The following CNOT6L variants were observed in gnomAD, a reference collection of about 807,000 sequenced individuals.
The protein encoded by CNOT6L is CCR4-NOT transcription complex subunit 6-like.
CNOT6L carries 7 observed loss-of-function variants against 64.0 expected under a neutral mutation model. That is an observed-to-expected ratio of 0.11 (90% confidence interval 0.06 to 0.21). The LOEUF is 0.21. Ranked by LOEUF, CNOT6L falls within the 10% of genes least tolerant of loss-of-function variation. The probability of loss-of-function intolerance (pLI) is 1.00; values close to 1 mark genes in which losing one functional copy is unlikely to be tolerated. For synonymous variants in CNOT6L, 193 were observed against 243.4 expected, an observed-to-expected ratio of 0.79 and a Z score of 1.93; for missense variants, 245 against 669.0, an observed-to-expected ratio of 0.37 and a Z score of 6.99.
chr4:77,749,711 A>G (rs996520899), intron 5 of CNOT6L, among the ~76,000 whole-genome samples: 11 of 152,242 alleles, frequency 7.2e-5, no homozygotes, highest in African/African-American at 2.4e-4. Flanking sequence ...ATGAGATGGC[A>G]TATTTGTTAC....
intron 4 of CNOT6L, among the ~76,000 whole-genome samples, chr4:77,762,944 T>C (rs1726404584): frequency 6.6e-6 from 1 of 152,148 alleles, no homozygotes; most frequent in Non-Finnish European, 1.5e-5. Flanking sequence ...TATGTATAAA[T>C]AGCAGGTCAA....
chr4:77,716,952 A>G lies in CNOT6L; in HGVS notation c.*3479T>C, dbSNP rs1290035305. On this transcript the variant is annotated 3_prime_UTR_variant, in exon 12 of 12. Transcript: ENST00000504123. ...AACCCATTGTGCCATACCTGACTTCAACATGTGATATTCAAACGAATGTTC... is the reference window on the plus strand; with the variant it reads ...AACCCATTGTGCCATACCTGACTTCGACATGTGATATTCAAACGAATGTTC... 1 of 152,580 alleles carries G rather than the reference A, an allele frequency of 6.6e-6. No individual in the cohort carries two copies. Among genetic ancestry groups the G allele is most frequent in the Non-Finnish European group, 1.5e-5 (1 of 68,006 alleles). 9.5% of individuals were successfully genotyped at this position (152,580 alleles called of 1,614,324 possible).
chr4:77,782,607 A>G (rs1728985610), intron 1 of CNOT6L, among the ~76,000 whole-genome samples: 1 of 147,318 alleles, frequency 6.8e-6, no homozygotes, highest in Non-Finnish European at 1.5e-5. Context: ...TCCCAGTGCT[A>G]CTAGGATTAC....
At chr4:77,757,782 C>A (rs887812396) in intron 4 of CNOT6L, among the ~76,000 whole-genome samples, 2 of 152,170 alleles carry the variant, frequency 1.3e-5, no homozygotes, top group African/African-American at 4.8e-5. Flanking sequence ...TCACTGTAAC[C>A]TCCAGCTTCC....
At chr4:77,783,474 T>C (rs761669976) in intron 1 of CNOT6L, among the ~76,000 whole-genome samples, 1 of 152,344 alleles carries the variant, frequency 6.6e-6, no homozygotes, top group Non-Finnish European at 1.5e-5. Context: ...CTACTTCCTT[T>C]TTCTCCCTCA....
At chr4:77,774,174 CT>C (rs1463963930) in intron 3 of CNOT6L, among the ~76,000 whole-genome samples, 1 of 152,090 alleles carries the variant, frequency 6.6e-6, no homozygotes, top group Non-Finnish European at 1.5e-5. Context: ...TATAAATATT[CT>C]TTGACTCATA....
intron 5 of CNOT6L, among the ~76,000 whole-genome samples, chr4:77,751,219 T>TA (rs1560588281): frequency 6.6e-6 from 1 of 152,092 alleles, no homozygotes; most frequent in Non-Finnish European, 1.5e-5. Flanking sequence ...ATCAAATAGA[T>TA]ATTATCCAAC....
intron 1 of CNOT6L, among the ~76,000 whole-genome samples, chr4:77,811,370 ATCTCTACTAAAAGTACAAAATCCCG>A (rs1274766031): frequency 6.6e-6 from 1 of 152,098 alleles, no homozygotes; most frequent in East Asian, 1.9e-4. Flanking sequence ...CAACATAGTG[ATCTCTACTAAAAGTACAAAATCCCG>A]TCTCTACTAA....
intron 8 of CNOT6L, among the ~76,000 whole-genome samples, chr4:77,734,592 C>G (rs1349045581): frequency 6.6e-6 from 1 of 152,162 alleles, no homozygotes; most frequent in East Asian, 1.9e-4. Flanking sequence ...GTCCCTCCCT[C>G]TTTTTATTCC....
At position 77,718,046 on chromosome 4, in the gene CNOT6L, A is replaced by AT. The variant is rs1720928311; in HGVS notation, c.*2384dup. ...TTTACAATGTTTCCCATTTTTTTTT[A>AT]TTTTTTCCCTCTACATTTAACTATT... On this transcript the variant is annotated 3_prime_UTR_variant, in exon 12 of 12. Transcript: ENST00000504123. 2 of 139,530 alleles carry AT rather than the reference A, an allele frequency of 1.4e-5. No homozygotes were observed. The highest frequency in any genetic ancestry group is 2.2e-4 in the East Asian group (1 of 4,622). The allele number at this position is 139,530 out of a possible 1,614,324, so 8.6% of individuals were successfully genotyped here.
intron 1 of CNOT6L, among the ~76,000 whole-genome samples, chr4:77,789,660 A>G (rs1165435039): frequency 6.8e-6 from 1 of 147,502 alleles, no homozygotes; most frequent in Non-Finnish European, 1.5e-5. Context: ...ACCCCGCCTC[A>G]AAAAAAAAAG....
intron 11 of CNOT6L, 55 bp downstream of exon 11, chr4:77,726,112 G>A (rs1016362193): frequency 6.9e-7 from 1 of 1,456,940 alleles, no homozygotes; most frequent in African/African-American, 1.4e-5. Flanking sequence ...CACCTTTTTT[G>A]TTACATGCTT....
chr4:77,782,650 T>A (rs1480046798), intron 1 of CNOT6L, among the ~76,000 whole-genome samples: 1 of 151,560 alleles, frequency 6.6e-6, no homozygotes, highest in Non-Finnish European at 1.5e-5. Context: ...CCTTTTTTTT[T>A]TTTTTTTTTT....
intron 1 of CNOT6L, among the ~76,000 whole-genome samples, chr4:77,781,439 C>T (rs557238463): frequency 3.9e-5 from 6 of 152,102 alleles, no homozygotes; most frequent in East Asian, 1.9e-4. Context: ...TTATATGTAA[C>T]GCTAGGTCTG....
At chr4:77,749,614 T>G (rs1057006995) in intron 5 of CNOT6L, among the ~76,000 whole-genome samples, 3 of 152,220 alleles carry the variant, frequency 2.0e-5, no homozygotes, top group Non-Finnish European at 4.4e-5. Flanking sequence ...GCAGTTTAAG[T>G]ATAACGCAAT....
intron 4 of CNOT6L, among the ~76,000 whole-genome samples, chr4:77,757,315 A>G (rs1024263622): frequency 6.6e-6 from 1 of 152,204 alleles, no homozygotes; most frequent in African/African-American, 2.4e-5. Flanking sequence ...ATAGCCATAT[A>G]GGAGAAAGAA....
intron 1 of CNOT6L, 131 bp from the exon 2 acceptor site, chr4:77,776,523 A>C: frequency 1.6e-6 from 1 of 633,226 alleles, no homozygotes; most frequent in Non-Finnish European, 2.6e-6. Flanking sequence ...ACAAATTCTC[A>C]CTTGCAGAAA....
intron 9 of CNOT6L, among the ~76,000 whole-genome samples, chr4:77,730,743 C>T (rs1364609257): frequency 6.6e-6 from 1 of 151,920 alleles, no homozygotes; most frequent in East Asian, 1.9e-4. Flanking sequence ...TTTTCCTCTA[C>T]AAAAAGTACA....
intron 1 of CNOT6L, among the ~76,000 whole-genome samples, chr4:77,795,301 G>A (rs1384275278): frequency 6.6e-6 from 1 of 152,082 alleles, no homozygotes; most frequent in East Asian, 1.9e-4. Flanking sequence ...TTACAGGTGT[G>A]AGCCACTGCA....
Sources: gnomAD v4.1 joint callset for allele counts (sites outside exome capture counted in the v4.1 genomes callset) on GRCh38, gnomAD v4.1.1 for gene constraint, MANE v1.5 for transcripts, NCBI Gene and HGNC (gene_info 2026-07-23, HGNC 2026-07-21) for gene names.